Variants in NRXN3 observed in about 807,000 individuals in gnomAD.
NRXN3 encodes the protein neurexin III.
A neutral mutation model predicts 137.6 loss-of-function variants in NRXN3; 32 were observed. The ratio of observed to expected loss-of-function variants is 0.23; its 90% CI spans 0.18 to 0.31. NRXN3 has a LOEUF of 0.31. Among genes scored for constraint, NRXN3 ranks in the 10% least tolerant of loss-of-function variants. NRXN3 has a pLI of 1.00. For synonymous variants in NRXN3, 798 were observed against 784.5 expected (o/e 1.02, Z -0.29); for missense variants, 1,574 against 2,062.5 (o/e 0.76, Z 4.59).
intron 15 of NRXN3, among the ~76,000 whole-genome samples, chr14:78,992,892 G>A (rs968806849): frequency 2.6e-5 from 4 of 152,084 alleles, no homozygotes; most frequent in African/African-American, 7.2e-5. Flanking sequence ...TTATGAGGTG[G>A]GTGCTCATCA....
intron 4 of NRXN3, among the ~76,000 whole-genome samples, chr14:78,630,283 A>G (rs563051841): frequency 6.6e-6 from 1 of 152,370 alleles, no homozygotes; most frequent in East Asian, 1.9e-4. Flanking sequence ...TTGTTGATGA[A>G]GAAAATTTTT....
chr14:78,880,148 G>T (rs1033312162), intron 10 of NRXN3, among the ~76,000 whole-genome samples: 1 of 141,866 alleles, frequency 7.0e-6, no homozygotes, highest in Non-Finnish European at 1.5e-5. Context: ...GCTGAGGCAG[G>T]AGAATGGCAT....
chr14:79,391,802 C>T (rs1477555442), intron 15 of NRXN3, among the ~76,000 whole-genome samples: 2 of 152,192 alleles, frequency 1.3e-5, no homozygotes, highest in Admixed American at 6.5e-5. Flanking sequence ...AAAGTGATTG[C>T]ATATGCTGTT....
At chr14:79,743,837 T>C (rs1357454524) in intron 19 of NRXN3, among the ~76,000 whole-genome samples, 3 of 152,172 alleles carry the variant, frequency 2.0e-5, no homozygotes, top group Admixed American at 6.6e-5. Context: ...TCTGGCTTAA[T>C]TGGAATTCAT....
chr14:79,740,299 C>T (rs1393850069), intron 19 of NRXN3, among the ~76,000 whole-genome samples: 1 of 152,082 alleles, frequency 6.6e-6, no homozygotes, highest in Non-Finnish European at 1.5e-5. Flanking sequence ...TTAGCTGCTC[C>T]ATGGTCCAAT....
intron 16 of NRXN3, among the ~76,000 whole-genome samples, chr14:79,547,743 A>T (rs1462132537): frequency 6.6e-6 from 1 of 152,154 alleles, no homozygotes; most frequent in East Asian, 1.9e-4. Flanking sequence ...ATTCATTGGG[A>T]GGCTTATAAA....
chr14:79,753,287 A>C (rs1274191254), intron 19 of NRXN3, among the ~76,000 whole-genome samples: 2 of 151,978 alleles, frequency 1.3e-5, no homozygotes, highest in Admixed American at 6.6e-5. Flanking sequence ...TTATTGCGGC[A>C]CTATTCACAA....
At chr14:78,226,792 G>A (rs2064732737) in intron 1 of NRXN3, among the ~76,000 whole-genome samples, 1 of 152,116 alleles carries the variant, frequency 6.6e-6, no homozygotes, top group South Asian at 2.1e-4. Context: ...CTGAAACTTG[G>A]TAGAGAAAGA....
chr14:79,454,273 G>A (rs528447592), intron 15 of NRXN3, among the ~76,000 whole-genome samples: 3 of 152,014 alleles, frequency 2.0e-5, no homozygotes, highest in South Asian at 2.1e-4. Flanking sequence ...TAGTAGAGAC[G>A]GGGTTTCACC....
At chr14:79,771,210 G>A (rs1296730730) in intron 19 of NRXN3, among the ~76,000 whole-genome samples, 5 of 152,118 alleles carry the variant, frequency 3.3e-5, no homozygotes, top group African/African-American at 1.2e-4. Flanking sequence ...GGAGGAACTG[G>A]TACCATTCCT....
chr14:79,379,193 C>G (rs1218577065), intron 15 of NRXN3, among the ~76,000 whole-genome samples: 1 of 152,076 alleles, frequency 6.6e-6, no homozygotes, highest in Non-Finnish European at 1.5e-5. Flanking sequence ...AGACCAATTT[C>G]TTTTCTTAAA....
chr14:78,755,190 A>ATTT (rs34214778), intron 8 of NRXN3, among the ~76,000 whole-genome samples: 1 of 131,586 alleles, frequency 7.6e-6, no homozygotes, highest in Non-Finnish European at 1.7e-5. Flanking sequence ...TAGTTTTTGT[A>ATTT]TTTTTTTTTT....
chr14:79,731,256 C>T (rs1406002304), intron 19 of NRXN3, among the ~76,000 whole-genome samples: 2 of 152,158 alleles, frequency 1.3e-5, no homozygotes, highest in Admixed American at 6.5e-5. Context: ...CCATTGGCTA[C>T]CACGGAGATA....
chr14:79,352,078 T>C (rs952935071), intron 15 of NRXN3, among the ~76,000 whole-genome samples: 6 of 152,224 alleles, frequency 3.9e-5, no homozygotes, highest in South Asian at 2.1e-4. Flanking sequence ...CTATTGATGT[T>C]GGTTGCAAAT....
intron 16 of NRXN3, among the ~76,000 whole-genome samples, chr14:79,536,461 T>A: frequency 6.6e-6 from 1 of 152,216 alleles, no homozygotes; most frequent in Non-Finnish European, 1.5e-5. Context: ...TAATTATTTT[T>A]TTTTTAATTT....
chr14:78,951,821 C>G (rs1271268628), intron 10 of NRXN3, among the ~76,000 whole-genome samples: 1 of 152,108 alleles, frequency 6.6e-6, no homozygotes, highest in Non-Finnish European at 1.5e-5. Flanking sequence ...TCTTGCAAAA[C>G]CTTGGCAGAA....
chr14:78,923,347 G>T (rs1173254956), intron 10 of NRXN3, among the ~76,000 whole-genome samples: 2 of 152,192 alleles, frequency 1.3e-5, no homozygotes, highest in African/African-American at 4.8e-5. Context: ...CTGAACAGCT[G>T]CTTTGAAGGT....
rs1311277909 is a variant in NRXN3, at chr14:78,966,265, G to A, written c.2636G>A (p.Ser879Asn). 3 of 1,614,134 alleles carry A rather than the reference G, an allele frequency of 1.9e-6. No homozygotes were observed. The highest frequency in any genetic ancestry group is 2.5e-6 in the Non-Finnish European group (3 of 1,180,016). Residue 879 changes from serine (S) to asparagine (N), a missense_variant, in exon 12 of 21, where the codon AGC (serine) becomes AAC (asparagine). Ser to Asn is a conservative substitution (Grantham distance 46). Coordinates refer to ENST00000335750, the MANE Select transcript of NRXN3 (RefSeq NM_001330195.2). ...IADPVTFKTKSSYLSLATLQA... is the reference protein window; with the variant it reads ...IADPVTFKTKNSYLSLATLQA... Reference sequence around the variant, plus strand: ...GACCCTGTCACCTTTAAGACCAAGAGCAGCTACCTGAGCCTTGCCACTCTT... The same window carrying A: ...GACCCTGTCACCTTTAAGACCAAGAACAGCTACCTGAGCCTTGCCACTCTT...
chr14:79,340,797 A>G (rs1598902752), intron 15 of NRXN3, among the ~76,000 whole-genome samples: 1 of 152,234 alleles, frequency 6.6e-6, no homozygotes, highest in East Asian at 1.9e-4. Flanking sequence ...TACAGCCCTT[A>G]GTGATAATTT....
Sources: allele counts gnomAD v4.1 joint callset (sites outside exome capture counted in the v4.1 genomes callset), GRCh38; gene constraint gnomAD v4.1.1; transcripts MANE v1.5; gene names NCBI Gene and HGNC (gene_info 2026-07-23, HGNC 2026-07-21).